CEP85L: variants seen among roughly 807,000 people sequenced by gnomAD.
The protein encoded by CEP85L is centrosomal protein 85L, also known as centrosomal protein of 85 kDa-like.
CEP85L carries 60 observed loss-of-function variants against 100.3 expected under a neutral mutation model. That is an observed-to-expected ratio of 0.60 (90% CI 0.49 to 0.74). The LOEUF is 0.74. Among genes scored for constraint, CEP85L ranks in the 30% least tolerant of loss-of-function variants. The pLI is 0.00. For missense variants in CEP85L, 973 were observed against 936.2 expected (o/e 1.04, Z -0.51); for synonymous variants, 319 against 322.7 (o/e 0.99, Z 0.12).
chr6:118,512,124 T>C lies in CEP85L; in HGVS notation c.1140-709A>G, dbSNP rs1032499424. The stretch of plus-strand genomic sequence containing the variant: ...CAGGCAATTAAGAACAGTAATCTCT[T>C]AGAGATAGGTAACTAATGAGGTGGG... On this transcript the variant is annotated intron_variant, in intron 4 of 12. Coordinates refer to ENST00000368491, the MANE Select transcript of CEP85L (RefSeq NM_001042475.3). Among the ~76,000 whole-genome samples the C allele has an allele frequency of 2.6e-5, 4 of 152,188 alleles. No homozygotes were observed. In the Middle Eastern group the frequency reaches 0.01, roughly 388 times the overall value.
chr6:118,564,787 A>C (rs9489442), intron 3 of CEP85L, among the ~76,000 whole-genome samples: 25,111 of 152,178 alleles, frequency 0.17, 2,220 homozygotes, highest in Non-Finnish European at 0.19. Context: ...AAAACAGATG[A>C]CAGGACTTAT....
chr6:118,562,457 G>A (rs901116974), intron 3 of CEP85L, among the ~76,000 whole-genome samples: 8 of 151,942 alleles, frequency 5.3e-5, no homozygotes, highest in East Asian at 1.9e-4. Flanking sequence ...TTGAACTCTT[G>A]GGGTGCAAAG....
upstream of CEP85L, among the ~76,000 whole-genome samples, chr6:118,657,303 G>A (rs1315554582): frequency 6.6e-6 from 1 of 152,136 alleles, no homozygotes; most frequent in Non-Finnish European, 1.5e-5. Context: ...CTTAAGTTCT[G>A]AACAGCAGAG....
rs1258452957 is a variant in CEP85L, at chr6:118,565,991, T to C, written c.558A>G (p.Ile186Met). The C allele has an allele frequency of 1.2e-6, 2 of 1,614,098 alleles. No individual in the cohort carries two copies. Among genetic ancestry groups the C allele is most frequent in the African/African-American group, 2.7e-5 (2 of 74,942 alleles). Residue 186 changes from isoleucine to methionine, a missense_variant, in exon 3 of 13, where the codon ATA becomes ATG. Transcript: ENST00000368491. Reference sequence around the variant, plus strand: ...GTGATGTTAAAGCCTTAGCCTTCCCTATCTTCTCCAAACCATTCCTTGACT... The same window carrying C: ...GTGATGTTAAAGCCTTAGCCTTCCCCATCTTCTCCAAACCATTCCTTGACT... ...REESRNGLEK[I>M]GKAKALTSQL...
At chr6:118,591,600 T>C (rs1781194438) in intron 2 of CEP85L, among the ~76,000 whole-genome samples, 1 of 152,166 alleles carries the variant, frequency 6.6e-6, no homozygotes, top group Non-Finnish European at 1.5e-5. Context: ...CACTACTTCA[T>C]TTACATAGGG....
chr6:118,697,572 C>A (rs1777254218), intron 1 of CEP85L, among the ~76,000 whole-genome samples: 1 of 152,112 alleles, frequency 6.6e-6, no homozygotes, highest in Non-Finnish European at 1.5e-5. Flanking sequence ...GTGATGCCAG[C>A]TTACTCTCAG....
chr6:118,507,252 A>G (rs966341163), intron 5 of CEP85L, among the ~76,000 whole-genome samples: 1 of 152,198 alleles, frequency 6.6e-6, no homozygotes, highest in Non-Finnish European at 1.5e-5. Flanking sequence ...CTCTCACCAC[A>G]TTAAATATGT....
At chr6:118,590,272 G>A (rs58070035) in intron 2 of CEP85L, among the ~76,000 whole-genome samples, 4,112 of 152,212 alleles carry the variant, frequency 0.027, 190 homozygotes, top group African/African-American at 0.093. Flanking sequence ...AGGGGTCCTT[G>A]GCAAGGTTTT....
At chr6:118,647,201 C>T (rs1026082226) in intron 1 of CEP85L, 2 of 258,592 alleles carry the variant, frequency 7.7e-6, no homozygotes, top group African/African-American at 4.6e-5. Context: ...CATCACTAAA[C>T]ACCTTATGGC....
At chr6:118,574,427 A>AC in intron 2 of CEP85L, among the ~76,000 whole-genome samples, 1 of 152,292 alleles carries the variant, frequency 6.6e-6, no homozygotes, top group South Asian at 2.1e-4. Flanking sequence ...CGCAGGCACC[A>AC]CCCTTCTGCA....
chr6:118,518,389 T>C (rs949087106), intron 4 of CEP85L, among the ~76,000 whole-genome samples: 2 of 152,244 alleles, frequency 1.3e-5, no homozygotes, highest in Non-Finnish European at 2.9e-5. Flanking sequence ...GGGCTATTAA[T>C]TACTGCCTCA....
chr6:118,582,580 T>C (rs550431336), intron 2 of CEP85L, among the ~76,000 whole-genome samples: 1 of 152,174 alleles, frequency 6.6e-6, no homozygotes, highest in South Asian at 2.1e-4. Context: ...GGAACCCCAA[T>C]AACGCAGGAA....
At chr6:118,669,260 C>T (rs549247826) in intron 1 of CEP85L, among the ~76,000 whole-genome samples, 29 of 152,296 alleles carry the variant, frequency 1.9e-4, no homozygotes, top group African/African-American at 6.5e-4. Flanking sequence ...TCCTCTGATG[C>T]GTTTCAGTTG....
intron 1 of CEP85L, among the ~76,000 whole-genome samples, chr6:118,687,436 G>T (rs1776871703): frequency 6.6e-6 from 1 of 152,162 alleles, no homozygotes; most frequent in Admixed American, 6.5e-5. Context: ...AAGCCTAGCT[G>T]GGAAGGTGAC....
chr6:118,674,662 C>T (rs184777292), intron 1 of CEP85L, among the ~76,000 whole-genome samples: 177 of 152,174 alleles, frequency 1.2e-3, no homozygotes, highest in African/African-American at 4.1e-3. Context: ...TCTGAATAGA[C>T]ATTGCTCCAA....
intron 3 of CEP85L, among the ~76,000 whole-genome samples, chr6:118,532,648 T>C (rs983255010): frequency 6.6e-6 from 1 of 152,136 alleles, no homozygotes; most frequent in African/African-American, 2.4e-5. Flanking sequence ...AATTAACTCT[T>C]GAGATAGAGT....
At chr6:118,533,850 T>C (rs1239881641) in intron 3 of CEP85L, among the ~76,000 whole-genome samples, 1 of 152,166 alleles carries the variant, frequency 6.6e-6, no homozygotes, top group Non-Finnish European at 1.5e-5. Context: ...ATCCTAGCAC[T>C]TTTGGAGGCC....
At chr6:118,534,238 T>C (rs960485162) in intron 3 of CEP85L, among the ~76,000 whole-genome samples, 2 of 152,188 alleles carry the variant, frequency 1.3e-5, no homozygotes, top group African/African-American at 4.8e-5. Context: ...TATTTCTATA[T>C]ATTAACAACA....
intron 2 of CEP85L, among the ~76,000 whole-genome samples, chr6:118,601,706 G>A (rs902642270): frequency 4.6e-5 from 7 of 152,086 alleles, no homozygotes; most frequent in Admixed American, 2.6e-4. Context: ...CTAAACAGGG[G>A]GTGGATTATT....
Sources: gnomAD v4.1 joint callset for allele counts (sites outside exome capture counted in the v4.1 genomes callset) on GRCh38, gnomAD v4.1.1 for gene constraint, MANE v1.5 for transcripts, NCBI Gene and HGNC (gene_info 2026-07-23, HGNC 2026-07-21) for gene names.